The following LRRC7 variants were observed in gnomAD, a reference collection of about 807,000 sequenced individuals.
LRRC7 encodes the protein leucine-rich repeat-containing protein 7.
In LRRC7, 23 loss-of-function variants were observed where a neutral mutation model predicts 175.7. The observed-to-expected ratio is 0.13, with a 90% CI of 0.09 to 0.19. The LOEUF is 0.19. Ranked by LOEUF, LRRC7 falls within the 10% of genes least tolerant of loss-of-function variation. LRRC7 has a pLI of 1.00. For missense variants in LRRC7, 1,354 were observed against 1,904.7 expected (o/e 0.71, Z 5.38); for synonymous variants, 685 against 680.9 (o/e 1.01, Z -0.09).
intron 1 of LRRC7, among the ~76,000 whole-genome samples, chr1:69,673,499 C>T (rs1044055217): frequency 2.0e-5 from 3 of 152,194 alleles, no homozygotes; most frequent in African/African-American, 7.2e-5. Flanking sequence ...TGGTGGCTTG[C>T]CAAGCTTGAG....
At chr1:69,859,523 G>A (rs1684134102) in intron 7 of LRRC7, among the ~76,000 whole-genome samples, 1 of 151,980 alleles carries the variant, frequency 6.6e-6, no homozygotes, top group Admixed American at 6.6e-5. Flanking sequence ...GGTAGTGAAG[G>A]TTTTTATTAT....
At chr1:69,665,559 T>C (rs1387149871) in intron 1 of LRRC7, among the ~76,000 whole-genome samples, 1 of 152,148 alleles carries the variant, frequency 6.6e-6, no homozygotes, top group Non-Finnish European at 1.5e-5. Flanking sequence ...ATTTAATTTC[T>C]AGGTATTTTA....
intron 23 of LRRC7, among the ~76,000 whole-genome samples, chr1:70,058,138 T>C (rs1174935441): frequency 6.6e-5 from 10 of 151,988 alleles, no homozygotes; most frequent in Non-Finnish European, 1.2e-4. Flanking sequence ...CCCTCCCAAG[T>C]AGCTGGGATT....
chr1:69,985,209 A>C (rs190707766), intron 9 of LRRC7, among the ~76,000 whole-genome samples: 9 of 152,298 alleles, frequency 5.9e-5, no homozygotes, highest in Admixed American at 5.2e-4. Flanking sequence ...CATCATGGCA[A>C]GTCTGTCCCC....
At chr1:70,036,042 C>A in intron 18 of LRRC7, 79 bp from the exon 19 acceptor site, 1 of 1,057,470 alleles carries the variant, frequency 9.5e-7, no homozygotes, top group Non-Finnish European at 1.4e-6. Context: ...TTAATCTGAG[C>A]CAAATAAAGA....
chr1:69,695,131 T>C (rs769516182), intron 2 of LRRC7, among the ~76,000 whole-genome samples: 1 of 152,154 alleles, frequency 6.6e-6, no homozygotes, highest in Non-Finnish European at 1.5e-5. Context: ...GATAGAAATA[T>C]GGATAGTGAC....
intron 7 of LRRC7, among the ~76,000 whole-genome samples, chr1:69,915,968 G>A (rs949269910): frequency 2.1e-5 from 3 of 145,838 alleles, no homozygotes; most frequent in African/African-American, 7.6e-5. Context: ...AGTGAGTGGT[G>A]GAACCAGGAT....
At chr1:69,648,537 G>T (rs935756522) in intron 1 of LRRC7, among the ~76,000 whole-genome samples, 3 of 152,194 alleles carry the variant, frequency 2.0e-5, no homozygotes, top group African/African-American at 7.2e-5. Flanking sequence ...AATGGGAAAA[G>T]CCAGAGTATT....
rs778297571 is a variant in LRRC7 at position 70,044,131 on chromosome 1, A to G, written c.4110+37A>G. Reference sequence around the variant, plus strand: ...CTGCCCTACATGTGTCAGCATACCAAAGCCAATTAATGTTGTTTGTTCACT... The same window carrying G: ...CTGCCCTACATGTGTCAGCATACCAGAGCCAATTAATGTTGTTTGTTCACT... On this transcript the variant is annotated intron_variant, in intron 22 of 26. Transcript: ENST00000651989. 4 of 1,598,044 alleles carry G rather than the reference A, an allele frequency of 2.5e-6. No homozygotes were observed. In the South Asian group the frequency reaches 4.5e-5, roughly 18 times the overall value.
At chr1:69,933,043 C>T (rs1647552261) in intron 8 of LRRC7, among the ~76,000 whole-genome samples, 1 of 152,184 alleles carries the variant, frequency 6.6e-6, no homozygotes, top group Non-Finnish European at 1.5e-5. Context: ...GTGCCCTGTC[C>T]TCCCTCCAGC....
intron 7 of LRRC7, among the ~76,000 whole-genome samples, chr1:69,898,324 T>C (rs149553599): frequency 6.6e-6 from 1 of 152,210 alleles, no homozygotes; most frequent in East Asian, 1.9e-4. Flanking sequence ...GCACCTGTGG[T>C]TGGAGAGCTA....
intron 1 of LRRC7, among the ~76,000 whole-genome samples, chr1:69,639,890 A>T (rs994188249): frequency 6.6e-6 from 1 of 151,864 alleles, no homozygotes; most frequent in Admixed American, 6.6e-5. Context: ...CCACAACTTT[A>T]AAACAGGAAA....
intron 2 of LRRC7, among the ~76,000 whole-genome samples, chr1:69,693,746 T>G (rs1570387223): frequency 6.6e-6 from 1 of 152,194 alleles, no homozygotes; most frequent in Non-Finnish European, 1.5e-5. Context: ...CACAAGTGTC[T>G]TTTATTTTTA....
intron 8 of LRRC7, among the ~76,000 whole-genome samples, chr1:69,939,867 A>G (rs528521514): frequency 6.6e-6 from 1 of 152,230 alleles, no homozygotes; most frequent in South Asian, 2.1e-4. Context: ...AAACAATAGT[A>G]GAGGTAGAGA....
intron 14 of LRRC7, 112 bp downstream of exon 14, chr1:70,016,646 GT>G: frequency 1.3e-6 from 1 of 770,972 alleles, no homozygotes; most frequent in Non-Finnish European, 1.9e-6. Flanking sequence ...AATGTAGATT[GT>G]TTTTATCCCC....
rs149091576 is a variant in LRRC7, at chr1:70,132,457, C to CTTTTTTTTTTTTTTTT, written c.*10581_*10596dup. ...TTTCTTTTTTCTTTTCTTTTCTTTT[C>CTTTTTTTTTTTTTTTT]TTTTTTTTTTTTTTTTTTTTTTTTT... On this transcript the variant is annotated 3_prime_UTR_variant, in exon 27 of 27. Transcript: ENST00000651989. 2.6e-5 allele frequency among the ~76,000 whole-genome samples: 2 copies of CTTTTTTTTTTTTTTTT among 76,450 alleles called. No individual in the cohort carries two copies. The highest frequency in any genetic ancestry group is 5.7e-5 in the African/African-American group (1 of 17,646). 50.2% of individuals were successfully genotyped at this position (76,450 alleles called of 152,430 possible). A position where few individuals can be genotyped will look rare whatever the true frequency, so the allele number is the denominator to read the frequency against.
intron 4 of LRRC7, among the ~76,000 whole-genome samples, chr1:69,822,521 C>T (rs1012275688): frequency 6.6e-6 from 1 of 152,194 alleles, no homozygotes; most frequent in Admixed American, 6.5e-5. Flanking sequence ...CCGTACCTCT[C>T]CTCCCAGCTC....
At chr1:69,825,885 C>T (rs1363688299) in intron 5 of LRRC7, 59 bp downstream of exon 5, 8 of 1,053,684 alleles carry the variant, frequency 7.6e-6, no homozygotes, top group South Asian at 3.4e-5. Flanking sequence ...AATAATGTAC[C>T]TAAATAGAGG....
chr1:69,589,353 A>C (rs913712547), intron 1 of LRRC7, among the ~76,000 whole-genome samples: 1 of 152,048 alleles, frequency 6.6e-6, no homozygotes, highest in East Asian at 1.9e-4. Context: ...TTATGTTCTT[A>C]TCTGAACTCT....
Sources: gnomAD v4.1 joint callset for allele counts (sites outside exome capture counted in the v4.1 genomes callset) on GRCh38, gnomAD v4.1.1 for gene constraint, MANE v1.5 for transcripts, NCBI Gene and HGNC (gene_info 2026-07-23, HGNC 2026-07-21) for gene names.